Variants in SHANK2 observed in about 807,000 individuals in gnomAD.
SHANK2 encodes SH3 and multiple ankyrin repeat domains 2.
Under a neutral mutation model 133.7 loss-of-function variants are expected in SHANK2, and 43 were observed. The ratio of observed to expected loss-of-function variants is 0.32; its 90% CI spans 0.25 to 0.41. SHANK2 has a LOEUF of 0.41. SHANK2 is among the 10% of genes least tolerant of loss of function. The pLI is 1.00. For synonymous variants in SHANK2, 1,017 were observed against 952.8 expected (o/e 1.07, Z -1.24); for missense variants, 1,994 against 2,235.8 (o/e 0.89, Z 2.18).
intron 17 of SHANK2, among the ~76,000 whole-genome samples, chr11:70,534,131 C>T (rs782007658): frequency 3.9e-5 from 6 of 152,216 alleles, no homozygotes; most frequent in Non-Finnish European, 7.3e-5. Flanking sequence ...CTATTAAGGA[C>T]ATACCCAAGA....
At chr11:70,580,090 G>A (rs1591605889) in intron 17 of SHANK2, among the ~76,000 whole-genome samples, 1 of 152,202 alleles carries the variant, frequency 6.6e-6, no homozygotes, top group South Asian at 2.1e-4. Flanking sequence ...CACCAGGTTC[G>A]TGGTGACTTG....
At chr11:71,234,051 TA>T (rs1555123346) in intron 1 of SHANK2, among the ~76,000 whole-genome samples, 3 of 143,220 alleles carry the variant, frequency 2.1e-5, no homozygotes. Flanking sequence ...GTCTCAAAGA[TA>T]AATAAATAAA....
chr11:70,726,278 A>G (rs2134693248), intron 14 of SHANK2, among the ~76,000 whole-genome samples: 1 of 152,306 alleles, frequency 6.6e-6, no homozygotes, highest in South Asian at 2.1e-4. Context: ...GAAGCTGGGG[A>G]TAAAGAGCTC....
chr11:70,842,233 A>G (rs949128800), intron 11 of SHANK2, among the ~76,000 whole-genome samples: 9 of 152,192 alleles, frequency 5.9e-5, no homozygotes, highest in Non-Finnish European at 1.2e-4. Context: ...TTTTTAGTAA[A>G]ATTTGACGAT....
At chr11:70,661,027 G>A (rs1446926996) in intron 16 of SHANK2, among the ~76,000 whole-genome samples, 3 of 152,220 alleles carry the variant, frequency 2.0e-5, no homozygotes, top group Non-Finnish European at 2.9e-5. Context: ...CTCCCACGAC[G>A]GGCCACGTAA....
intron 17 of SHANK2, among the ~76,000 whole-genome samples, chr11:70,510,962 A>G (rs2059197716): frequency 6.6e-6 from 1 of 152,256 alleles, no homozygotes; most frequent in Admixed American, 6.5e-5. Context: ...GCTGGTCTTA[A>G]GTTCTCATCC....
chr11:71,163,093 A>AAACAT lies in SHANK2; in HGVS notation c.-12-15756_-12-15755insATGTT. Among the ~76,000 whole-genome samples, 705 of 84,622 alleles carry AAACAT rather than the reference A, an allele frequency of 8.3e-3. 54 individuals carry two copies. Among genetic ancestry groups the AAACAT allele is most frequent in the African/African-American group, 0.03 (653 of 21,740 alleles). 55.5% of individuals were successfully genotyped at this position (84,622 alleles called of 152,430 possible). Reference sequence around the variant, plus strand: ...GTCTAAAAAAAAAAAAAAAAAAAAAAATACATATATATATATATACAGAAT... The same window carrying AAACAT: ...GTCTAAAAAAAAAAAAAAAAAAAAAAAACATATACATATATATATATATACAGAAT... On this transcript the variant is annotated intron_variant, in intron 2 of 25. Transcript: ENST00000601538.
intron 14 of SHANK2, among the ~76,000 whole-genome samples, chr11:70,733,540 C>T (rs541597722): frequency 5.9e-5 from 9 of 152,338 alleles, no homozygotes; most frequent in African/African-American, 2.2e-4. Flanking sequence ...GTTTTATTGG[C>T]ATGCTGCCAC....
intron 12 of SHANK2, among the ~76,000 whole-genome samples, chr11:70,814,507 A>C (rs1418408640): frequency 6.6e-6 from 1 of 152,174 alleles, no homozygotes; most frequent in Non-Finnish European, 1.5e-5. Flanking sequence ...CCACTCCAGC[A>C]GTGTCCCTGG....
At chr11:71,239,738 G>A (rs1954865387) in intron 1 of SHANK2, among the ~76,000 whole-genome samples, 1 of 152,108 alleles carries the variant, frequency 6.6e-6, no homozygotes, top group Non-Finnish European at 1.5e-5. Flanking sequence ...GCCTCCCAGG[G>A]TGCTGGGACT....
chr11:71,171,326 C>A (rs1349922678), intron 2 of SHANK2, among the ~76,000 whole-genome samples: 2 of 152,132 alleles, frequency 1.3e-5, no homozygotes, highest in Non-Finnish European at 2.9e-5. Flanking sequence ...AGGTCCTAAG[C>A]CTCAGAACCA....
At chr11:70,811,589 A>G (rs1422115976) in intron 12 of SHANK2, among the ~76,000 whole-genome samples, 1 of 149,892 alleles carries the variant, frequency 6.7e-6, no homozygotes, top group African/African-American at 2.4e-5. Flanking sequence ...CTACCCATCC[A>G]TCCACCCATC....
intron 7 of SHANK2, 22 bp downstream of exon 7, chr11:71,094,515 A>C (rs782346699): frequency 4.5e-6 from 7 of 1,544,880 alleles, no homozygotes; most frequent in Non-Finnish European, 6.1e-6. Context: ...GTGGCACCCA[A>C]GTAAGATGGG....
Position 70,713,709 on chromosome 11 carries a change from G to A in SHANK2, c.1778-14946C>T, listed in dbSNP as rs76917598. Among the ~76,000 whole-genome samples, 111 of 152,292 alleles carry A rather than the reference G, an allele frequency of 7.3e-4. 4 individuals are homozygous for A. The East Asian group carries it at 0.019, about 25-fold the overall frequency. ...CACAGCACCGGGTGTCCGTCACAGC[G>A]CCGGGTGTCCATTGCTGCCACCATG... On this transcript the variant is annotated intron_variant, in intron 14 of 25. Transcript: ENST00000601538.
intron 6 of SHANK2, among the ~76,000 whole-genome samples, chr11:71,095,439 T>A (rs782657668): frequency 3.5e-4 from 54 of 152,220 alleles, no homozygotes; most frequent in Non-Finnish European, 6.3e-4. Context: ...CAAGAGGAAC[T>A]ACTTTGAGGT....
Position 70,502,833 on chromosome 11 carries a change from G to A in SHANK2, c.2160C>T (p.Thr720=), listed in dbSNP as rs782146289. The A allele has an allele frequency of 8.7e-6, 14 of 1,607,874 alleles. No homozygotes were observed. In the South Asian group the frequency reaches 1.5e-4, roughly 18 times the overall value. The change falls in exon 18 of 26, where the codon ACC becomes ACT. Residue 720 remains threonine (T), a synonymous_variant. Coordinates refer to ENST00000601538, the MANE Select transcript of SHANK2 (RefSeq NM_012309.5). The stretch of plus-strand genomic sequence containing the variant: ...CGGTGTCGTCGGGGTCCAGATTCCT[G>A]GTCACCGTGACCACCTTAAGGACCA... The part of the protein sequence containing the change: ...NHLVLKVVTV[T]RNLDPDDTAR...
chr11:71,226,557 ATACT>A (rs1954647741), intron 1 of SHANK2: 1 of 152,210 alleles, frequency 6.6e-6, no homozygotes, highest in Non-Finnish European at 1.5e-5. Context: ...AGAGAAACCA[ATACT>A]TACATTTCTC....
intron 13 of SHANK2, 22 bp downstream of exon 13, chr11:70,806,980 A>G: frequency 1.4e-6 from 1 of 714,450 alleles, no homozygotes; most frequent in Non-Finnish European, 2.6e-6. Context: ...CCAGGAGCGG[A>G]GGACAACCAG....
At chr11:71,092,627 C>T (rs1555094340) in intron 7 of SHANK2, 38 bp from the exon 8 acceptor site, 2 of 1,544,594 alleles carry the variant, frequency 1.3e-6, no homozygotes, top group African/African-American at 1.4e-5. Flanking sequence ...TTATTGGTCT[C>T]ATGACCCCTT....
Sources: allele counts gnomAD v4.1 joint callset (sites outside exome capture counted in the v4.1 genomes callset), GRCh38; gene constraint gnomAD v4.1.1; transcripts MANE v1.5; gene names NCBI Gene and HGNC (gene_info 2026-07-23, HGNC 2026-07-21).